The following AAK1 variants were observed in gnomAD, a reference collection of about 807,000 sequenced individuals.
The protein encoded by AAK1 is AP2-associated protein kinase 1.
In AAK1, 37 loss-of-function variants were observed where a neutral mutation model predicts 116.0. The observed-to-expected ratio is 0.32, with a 90% confidence interval of 0.25 to 0.42. The LOEUF is 0.42. Ranked by LOEUF, AAK1 falls within the 10% of genes least tolerant of loss-of-function variation. The pLI is 1.00. For missense variants in AAK1, 919 were observed against 1,170.6 expected (o/e 0.79, Z 3.14); for synonymous variants, 458 against 439.9 (o/e 1.04, Z -0.51).
At chr2:69,602,815 T>A (rs1673636936) in intron 2 of AAK1, among the ~76,000 whole-genome samples, 1 of 152,226 alleles carries the variant, frequency 6.6e-6, no homozygotes, top group Non-Finnish European at 1.5e-5. Context: ...AGATGGTATT[T>A]ATTATTTCAA....
chr2:69,589,634 G>T (rs569600625), intron 2 of AAK1, among the ~76,000 whole-genome samples: 83 of 151,482 alleles, frequency 5.5e-4, no homozygotes, highest in African/African-American at 1.9e-3. Flanking sequence ...TCTTGAACCC[G>T]GGAGGCGGAG....
rs558402238 is a variant in AAK1, at chr2:69,459,357, G to C, written c.*16512C>G. On this transcript the variant is annotated 3_prime_UTR_variant, in exon 22 of 22. Coordinates refer to ENST00000409085, the MANE Select transcript of AAK1 (RefSeq NM_014911.5). ...TGGCTTAGTGCAACCTCTGCCTCCC[G>C]TGCTCAAGCCATCCTCCCACCTAAG... is the stretch of plus-strand genomic sequence containing the variant. 1 of 152,350 alleles carries C rather than the reference G, an allele frequency of 6.6e-6. No homozygotes were observed. Among genetic ancestry groups the C allele is most frequent in the East Asian group, 1.9e-4 (1 of 5,212 alleles). 9.4% of individuals were successfully genotyped at this position (152,350 alleles called of 1,614,324 possible).
At chr2:69,616,777 T>C (rs976842126) in intron 2 of AAK1, among the ~76,000 whole-genome samples, 5 of 152,182 alleles carry the variant, frequency 3.3e-5, no homozygotes, top group Admixed American at 3.3e-4. Flanking sequence ...CTAGCAATTA[T>C]CAAAAATTTC....
At chr2:69,553,170 A>C (rs1163090717) in intron 3 of AAK1, among the ~76,000 whole-genome samples, 2 of 152,160 alleles carry the variant, frequency 1.3e-5, no homozygotes, top group Non-Finnish European at 2.9e-5. Flanking sequence ...AACATAATAA[A>C]TAAATGCATA....
chr2:69,530,644 G>C lies in AAK1; in HGVS notation c.719C>G (p.Thr240Ser), dbSNP rs752395209. The change falls in exon 7 of 22, where the codon ACT (threonine) becomes AGT (serine). Residue 240 changes from threonine to serine, a missense_variant. Transcript: ENST00000409085. ...MVNLYSGKII[T>S]TKADIWALGC... Reference sequence around the variant, plus strand: ...ACCTACCCAAATGTCTGCCTTCGTAGTGATGATTTTGCCACTGTACAGGTT... The same window carrying C: ...ACCTACCCAAATGTCTGCCTTCGTACTGATGATTTTGCCACTGTACAGGTT... 1.2e-6 allele frequency: 2 copies of C among 1,613,664 alleles called. No individual in the cohort carries two copies. The highest frequency in any genetic ancestry group is 1.7e-6 in the Non-Finnish European group (2 of 1,179,628).
chr2:69,524,079 G>GATT (rs1669910307), intron 10 of AAK1, among the ~76,000 whole-genome samples: 1 of 152,200 alleles, frequency 6.6e-6, no homozygotes, highest in African/African-American at 2.4e-5. Flanking sequence ...AACAGACTGT[G>GATT]ATTAGCTAAG....
chr2:69,557,574 G>A (rs1259111447), intron 2 of AAK1, among the ~76,000 whole-genome samples: 2 of 152,128 alleles, frequency 1.3e-5, no homozygotes, highest in Non-Finnish European at 2.9e-5. Context: ...TTACAAGCAT[G>A]AGCCACTGTA....
At chr2:69,622,997 C>G (rs1674725426) in intron 2 of AAK1, among the ~76,000 whole-genome samples, 2 of 152,120 alleles carry the variant, frequency 1.3e-5, no homozygotes, top group South Asian at 4.1e-4. Context: ...TAAAAGCAGG[C>G]TGCCAGAGAC....
chr2:69,575,756 C>A (rs1159515508), intron 2 of AAK1, among the ~76,000 whole-genome samples: 1 of 152,134 alleles, frequency 6.6e-6, no homozygotes, highest in African/African-American at 2.4e-5. Context: ...GCGTGAGACA[C>A]CGTGCCCGGC....
intron 5 of AAK1, among the ~76,000 whole-genome samples, chr2:69,541,152 A>T (rs1045010020): frequency 3.3e-5 from 5 of 152,040 alleles, no homozygotes; most frequent in Non-Finnish European, 5.9e-5. Flanking sequence ...GGGATGATGA[A>T]ATGTTCTGGA....
chr2:69,601,199 C>T (rs1673562953), intron 2 of AAK1, among the ~76,000 whole-genome samples: 1 of 152,162 alleles, frequency 6.6e-6, no homozygotes, highest in South Asian at 2.1e-4. Context: ...CTAAAGTGTG[C>T]CCAAGTATAC....
intron 19 of AAK1, 136 bp downstream of exon 19, chr2:69,480,724 A>G (rs1675054321): frequency 1.6e-6 from 1 of 636,278 alleles, no homozygotes; most frequent in African/African-American, 1.9e-5. Context: ...GGGCTGTGAC[A>G]ATTCAGAGTG....
At chr2:69,578,332 A>G (rs933211597) in intron 2 of AAK1, among the ~76,000 whole-genome samples, 4 of 152,212 alleles carry the variant, frequency 2.6e-5, no homozygotes, top group South Asian at 4.1e-4. Flanking sequence ...CATGGCAATT[A>G]GTGATTCAAT....
chr2:69,508,045 A>G (rs1676256999), intron 14 of AAK1, among the ~76,000 whole-genome samples: 1 of 152,214 alleles, frequency 6.6e-6, no homozygotes, highest in Non-Finnish European at 1.5e-5. Context: ...CAGCACCTGA[A>G]GAATTTCCGC....
chr2:69,482,416 T>C (rs1675124622), intron 18 of AAK1: 1 of 598,026 alleles, frequency 1.7e-6, no homozygotes, highest in Non-Finnish European at 3.0e-6. Context: ...GTAGTCTAGT[T>C]AGAAACCAAT....
At chr2:69,616,799 T>G (rs2105228434) in intron 2 of AAK1, among the ~76,000 whole-genome samples, 1 of 152,340 alleles carries the variant, frequency 6.6e-6, no homozygotes, top group Non-Finnish European at 1.5e-5. Context: ...TCTTTTTCTA[T>G]CCCTTGTATA....
At chr2:69,530,739 T>A in intron 6 of AAK1, 33 bp from the exon 7 acceptor site, 1 of 1,501,282 alleles carries the variant, frequency 6.7e-7, no homozygotes, top group Non-Finnish European at 9.3e-7. Context: ...TTATTAAATA[T>A]GTCAATACTA....
intron 2 of AAK1, among the ~76,000 whole-genome samples, chr2:69,607,199 A>G (rs1188179130): frequency 6.6e-6 from 1 of 152,162 alleles, no homozygotes; most frequent in Non-Finnish European, 1.5e-5. Context: ...AGAAGGTGAC[A>G]TATGAACAAA....
Position 69,463,984 on chromosome 2 carries a change from T to C in AAK1, c.*11885A>G, listed in dbSNP as rs142074743. The C allele has an allele frequency of 6.6e-6, 1 of 152,504 alleles. No homozygotes were observed. The highest frequency in any genetic ancestry group is 1.5e-5 in the Non-Finnish European group (1 of 67,994). 9.4% of individuals were successfully genotyped at this position (152,504 alleles called of 1,614,324 possible). On this transcript the variant is annotated 3_prime_UTR_variant, in exon 22 of 22. Transcript: ENST00000409085. ...TTTAAGGCACTAATAATAAAGGGTA[T>C]GAAAAAAGCTAGGAATAAGTCAGAT...
Sources: allele counts gnomAD v4.1 joint callset (sites outside exome capture counted in the v4.1 genomes callset), GRCh38; gene constraint gnomAD v4.1.1; transcripts MANE v1.5; gene names NCBI Gene and HGNC (gene_info 2026-07-23, HGNC 2026-07-21).